Variants in USP35 observed in about 807,000 individuals in gnomAD.
USP35 encodes the protein ubiquitin carboxyl-terminal hydrolase 35.
In USP35, 69 loss-of-function variants were observed where a neutral mutation model predicts 83.8. The observed-to-expected ratio is 0.82, with a 90% CI of 0.68 to 1.01. USP35 has a LOEUF of 1.01. USP35 is among the 50% of genes least tolerant of loss of function. USP35 has a pLI of 0.00. For synonymous variants in USP35, 714 were observed against 589.5 expected, an observed-to-expected ratio of 1.21 and a Z score of -3.06; for missense variants, 1,503 against 1,362.5, an observed-to-expected ratio of 1.10 and a Z score of -1.62.
At position 78,214,062 on chromosome 11, in the gene USP35, C is replaced by T; in HGVS notation, c.*249C>T. The T allele has an allele frequency of 2.5e-6, 1 of 404,600 alleles. No homozygotes were observed. Among genetic ancestry groups the T allele is most frequent in the South Asian group, 5.3e-5 (1 of 19,002 alleles). The allele number at this position is 404,600 out of a possible 1,614,324, so 25.1% of individuals were successfully genotyped here. A position where few individuals can be genotyped will look rare whatever the true frequency, so the allele number is the denominator to read the frequency against. Reference sequence around the variant, plus strand: ...GTTAACTTGAAGCAGCCGAGATGGGCACACACGGGTCTTTGCCTCCCCCTC... The same window carrying T: ...GTTAACTTGAAGCAGCCGAGATGGGTACACACGGGTCTTTGCCTCCCCCTC... On this transcript the variant is annotated 3_prime_UTR_variant, in exon 11 of 11. Coordinates refer to ENST00000529308, the MANE Select transcript of USP35 (RefSeq NM_020798.4).
chr11:78,196,649 G>T lies in USP35; in HGVS notation c.404G>T (p.Arg135Leu). Reference sequence around the variant, plus strand: ...GAGGTGCTGCGCACCGTGTGCGAGCGCCCGGGCCCCGCGGCCTGCGCGCAG... The same window carrying T: ...GAGGTGCTGCGCACCGTGTGCGAGCTCCCGGGCCCCGCGGCCTGCGCGCAG... ...RREVLRTVCE[R>L]PGPAACAQVA... is the part of the protein sequence containing the mutation. Residue 135 changes from arginine to leucine, a missense_variant, in exon 2 of 11, where the codon CGC (arginine) becomes CTC (leucine). By Grantham distance (102) the Arg-to-Leu change is moderately radical (BLOSUM62 -2). Transcript: ENST00000529308. This position sits in a 1 kb window ranked among gnomAD's most constrained non-coding sequence, Gnocchi z 4.8. 1 of 1,383,542 alleles carries T rather than the reference G, an allele frequency of 7.2e-7. No homozygotes were observed. Among genetic ancestry groups the T allele is most frequent in the Non-Finnish European group, 9.3e-7 (1 of 1,077,474 alleles). 85.7% of individuals were successfully genotyped at this position (1,383,542 alleles called of 1,614,324 possible).
At chr11:78,213,595 G>A (rs781435095) in intron 10 of USP35, 51 bp from the exon 11 acceptor site, 180 of 1,435,214 alleles carry the variant, frequency 1.3e-4, no homozygotes, top group Non-Finnish European at 1.5e-4. Flanking sequence ...ACTCACTCTG[G>A]CTTCAGGGTG....
chr11:78,205,866 C>A lies in USP35; in HGVS notation c.1222C>A (p.Arg408Ser). 1 of 1,613,842 alleles carries A rather than the reference C, an allele frequency of 6.2e-7. No individual in the cohort carries two copies. Among genetic ancestry groups the A allele is most frequent in the Non-Finnish European group, 8.5e-7 (1 of 1,179,768 alleles). The change falls in exon 7 of 11, where the codon CGC becomes AGC. Residue 408 changes from arginine (R) to serine (S), a missense_variant. Coordinates refer to ENST00000529308, the MANE Select transcript of USP35 (RefSeq NM_020798.4). ...GGACCTCCATGTTCCCAATGAGGAC[C>A]GCATCAAGCAGCTGCTGGGGCAGGA... Reference protein sequence around the residue: ...IKDLHVPNEDRIKQLLGQDAW... With the variant: ...IKDLHVPNEDSIKQLLGQDAW...
chr11:78,223,695 A>G, the USP35 span: 2 of 1,566,166 alleles, frequency 1.3e-6, no homozygotes, highest in Admixed American at 3.7e-5. Flanking sequence ...AGGAACAGTG[A>G]AAGAAATACA....
chr11:78,200,117 A>C lies in USP35; in HGVS notation c.937-16A>C. On this transcript the variant is annotated splice_polypyrimidine_tract_variant and intron_variant, in intron 4 of 10. Transcript: ENST00000529308. The stretch of plus-strand genomic sequence containing the variant: ...AGCTCAAGCCTGGGGACTCCTGACC[A>C]GGGACTCTCTTGTAGGTTTTCTCTA... 1 of 1,614,076 alleles carries C rather than the reference A, an allele frequency of 6.2e-7. No homozygotes were observed. Among genetic ancestry groups the C allele is most frequent in the Middle Eastern group, 1.6e-4 (1 of 6,062 alleles).
At chr11:78,209,094 A>AG in intron 9 of USP35, 131 bp downstream of exon 9, 1 of 953,934 alleles carries the variant, frequency 1.0e-6, no homozygotes, top group South Asian at 1.7e-5. Context: ...GGCGTGGAGA[A>AG]GGGGTGTGCT....
chr11:78,188,941 G>C lies in USP35; in HGVS notation c.-227G>C. 3.0e-6 allele frequency: 3 copies of C among 985,694 alleles called. No individual in the cohort carries two copies. The highest frequency in any genetic ancestry group is 3.6e-6 in the Non-Finnish European group (3 of 830,126). 61.1% of individuals were successfully genotyped at this position (985,694 alleles called of 1,614,324 possible). ...CGCAGCCCCGGGGCCGCGCCGCAGA[G>C]TCGGGCTTCCTGGATACATAGAGGC... On this transcript the variant is annotated 5_prime_UTR_variant, in exon 1 of 11. Coordinates refer to ENST00000529308, the MANE Select transcript of USP35 (RefSeq NM_020798.4).
intron 8 of USP35, among the ~76,000 whole-genome samples, chr11:78,208,636 T>G (rs956922602): frequency 1.3e-5 from 2 of 152,186 alleles, no homozygotes; most frequent in African/African-American, 4.8e-5. Flanking sequence ...AGAGCCTCGT[T>G]CATTTCTCTG....
chr11:78,227,140 T>C, the USP35 span: 4 of 860,898 alleles, frequency 4.6e-6, no homozygotes, highest in Non-Finnish European at 7.5e-6. Context: ...TTCTATACTT[T>C]GGTTTAGGCA....
chr11:78,202,947 G>T (rs1244325124), intron 6 of USP35, among the ~76,000 whole-genome samples: 4 of 152,244 alleles, frequency 2.6e-5, no homozygotes, highest in African/African-American at 9.6e-5. Context: ...GAGCAAATGA[G>T]TGGGTTATTG....
Position 78,210,447 on chromosome 11 carries a change from C to A in USP35, c.2592C>A (p.Tyr864Ter). ...TGTCTTCGGAGAGTGGTCACTACTA[C>A]TGCTATGCCCGTGAGGGCGCTGCCC... ...SGVSSESGHY[Y>*]CYAREGAARP... The change falls in exon 10 of 11, where the codon TAC (tyrosine) becomes TAA (stop). Residue 864 changes from tyrosine to a stop codon, truncating the protein, a stop_gained. Transcript: ENST00000529308. LOFTEE classifies it high-confidence loss of function. 1 of 1,614,228 alleles carries A rather than the reference C, an allele frequency of 6.2e-7. No individual in the cohort carries two copies. Among genetic ancestry groups the A allele is most frequent in the Non-Finnish European group, 8.5e-7 (1 of 1,180,050 alleles).
the USP35 span, chr11:78,223,599 G>A: frequency 2.5e-6 from 4 of 1,613,500 alleles, no homozygotes; most frequent in East Asian, 4.5e-5. Context: ...CCAACAGGGT[G>A]GAAGAACCTG....
At chr11:78,202,315 A>G (rs955878948) in intron 6 of USP35, among the ~76,000 whole-genome samples, 3 of 152,344 alleles carry the variant, frequency 2.0e-5, no homozygotes, top group South Asian at 2.1e-4. Context: ...AAATATGCAC[A>G]TGGTTTTAAA....
chr11:78,218,988 C>T (rs115149733), downstream of USP35: 3,249 of 396,942 alleles, frequency 8.2e-3, 60 homozygotes, highest in African/African-American at 0.043. Flanking sequence ...CAGGAAGAGG[C>T]TGAAGGATGC....
At chr11:78,200,949 TCATGTGCCTCAAG>T (rs1863336859) in intron 6 of USP35, 141 bp downstream of exon 6, 1 of 1,248,334 alleles carries the variant, frequency 8.0e-7, no homozygotes, top group African/African-American at 1.5e-5. Flanking sequence ...CCCAGGTCCA[TCATGTGCCTCAAG>T]CACACTGAGC....
the USP35 span, among the ~76,000 whole-genome samples, chr11:78,230,976 G>C: frequency 3.3e-5 from 5 of 152,244 alleles, no homozygotes; most frequent in Non-Finnish European, 7.3e-5. Context: ...TGGATTTGGA[G>C]AGAGGCTTCT....
rs1034687476 is a variant in USP35, at chr11:78,196,119, A to G, written c.-10-117A>G. 4.2e-6 allele frequency: 6 copies of G among 1,420,084 alleles called. No homozygotes were observed. The African/African-American group carries it at 7.5e-5, about 18-fold the overall frequency. 88.0% of individuals were successfully genotyped at this position (1,420,084 alleles called of 1,614,324 possible). On this transcript the variant is annotated intron_variant, in intron 1 of 10. Coordinates refer to ENST00000529308, the MANE Select transcript of USP35 (RefSeq NM_020798.4). This position sits in a 1 kb window ranked among gnomAD's most constrained non-coding sequence, Gnocchi z 4.8. ...CCTTGCCCCATTTCACAGATGAGAA[A>G]ACTGAGGCCCAGAAAGTTTGAGTTG... is the stretch of plus-strand genomic sequence containing the variant.
chr11:78,219,208 G>C, downstream of USP35: 1 of 1,485,686 alleles, frequency 6.7e-7, no homozygotes, highest in Non-Finnish European at 9.3e-7. Flanking sequence ...GGAGAGGGGA[G>C]AGGGGAGATG....
In USP35 at chr11:78,200,901, T is replaced by C. The variant is rs140931058; in HGVS notation, c.1197+93T>C. The C allele has an allele frequency of 1.1e-5, 16 of 1,483,362 alleles. No individual in the cohort carries two copies. In the East Asian group the frequency reaches 3.8e-4, roughly 35 times the overall value. The allele number at this position is 1,483,362 out of a possible 1,614,324, so 91.9% of individuals were successfully genotyped here. On this transcript the variant is annotated intron_variant, in intron 6 of 10. Coordinates refer to ENST00000529308, the MANE Select transcript of USP35 (RefSeq NM_020798.4). ...GGGCCATACCACAGCTTGGTGGCAG[T>C]CCCCGTCATTTGGTGCCTGGCTGTC...
Sources: gnomAD v4.1 joint callset for allele counts (sites outside exome capture counted in the v4.1 genomes callset) on GRCh38, gnomAD v4.1.1 for gene constraint, Gnocchi (gnomAD v3.1) non-coding constraint, MANE v1.5 for transcripts, NCBI Gene and HGNC (gene_info 2026-07-23, HGNC 2026-07-21) for gene names.